Variants in MTUS2 observed in about 807,000 individuals in gnomAD.
MTUS2 encodes microtubule associated scaffold protein 2.
Under a neutral mutation model 114.1 loss-of-function variants are expected in MTUS2, and 40 were observed. That is an observed-to-expected ratio of 0.35 (90% CI 0.27 to 0.46). The LOEUF (loss-of-function observed/expected upper bound fraction) is 0.46. MTUS2 is among the 20% of genes least tolerant of loss of function. The pLI is 1.00. For synonymous variants in MTUS2, 688 were observed against 672.0 expected (o/e 1.02, Z -0.37); for missense variants, 1,679 against 1,705.4 (o/e 0.98, Z 0.27).
intron 2 of MTUS2, among the ~76,000 whole-genome samples, chr13:28,919,665 CT>C (rs1433679038): frequency 2.0e-5 from 3 of 152,124 alleles, no homozygotes; most frequent in Non-Finnish European, 4.4e-5. Flanking sequence ...CTTTCTACCC[CT>C]ATCTCTGTCT....
intron 2 of MTUS2, among the ~76,000 whole-genome samples, chr13:28,937,131 G>A (rs1881943408): frequency 6.6e-6 from 1 of 152,070 alleles, no homozygotes; most frequent in Non-Finnish European, 1.5e-5. Flanking sequence ...TGGACTTCCT[G>A]GGTCGAGTGG....
intron 5 of MTUS2, among the ~76,000 whole-genome samples, chr13:29,188,675 T>A (rs1253344861): frequency 1.3e-5 from 2 of 152,194 alleles, no homozygotes; most frequent in Non-Finnish European, 2.9e-5. Context: ...AGAGACTCCC[T>A]GCTCTGCTGG....
chr13:28,893,905 C>T (rs1346239511), intron 2 of MTUS2, among the ~76,000 whole-genome samples: 1 of 152,102 alleles, frequency 6.6e-6, no homozygotes, highest in African/African-American at 2.4e-5. Flanking sequence ...ACCAGATCGA[C>T]ATTGTTTTGG....
intron 6 of MTUS2, among the ~76,000 whole-genome samples, chr13:29,309,240 C>T (rs1303789895): frequency 6.6e-6 from 1 of 152,098 alleles, no homozygotes; most frequent in East Asian, 1.9e-4. Flanking sequence ...CTATGGGATA[C>T]TATGCAGCCA....
intron 8 of MTUS2, among the ~76,000 whole-genome samples, chr13:29,406,619 GAC>G (rs967398158): frequency 2.0e-4 from 31 of 152,178 alleles, no homozygotes; most frequent in African/African-American, 7.0e-4. Context: ...TACTACTGGT[GAC>G]ACAGACCAAA....
chr13:29,178,263 C>G (rs1032220647), intron 5 of MTUS2, among the ~76,000 whole-genome samples: 2 of 152,038 alleles, frequency 1.3e-5, no homozygotes, highest in African/African-American at 2.4e-5. Context: ...TCAAATTTGT[C>G]GAATTTTGTT....
intron 4 of MTUS2, among the ~76,000 whole-genome samples, chr13:29,096,982 T>G (rs1890204447): frequency 6.6e-6 from 1 of 152,168 alleles, no homozygotes; most frequent in African/African-American, 2.4e-5. Flanking sequence ...GAAGGTTCCC[T>G]GACCTTTTGA....
chr13:29,375,557 ACG>A (rs373176316), intron 8 of MTUS2, among the ~76,000 whole-genome samples: 297 of 4,614 alleles, frequency 0.064, 39 homozygotes, highest in African/African-American at 0.12. Context: ...ATATATATAT[ACG>A]TATATATATA....
At chr13:29,119,216 A>G (rs572483404) in intron 5 of MTUS2, among the ~76,000 whole-genome samples, 55 of 152,354 alleles carry the variant, frequency 3.6e-4, no homozygotes, top group African/African-American at 1.2e-3. Flanking sequence ...CCTGAATCTC[A>G]GTACATAGAT....
rs556716318 is a variant in MTUS2, at chr13:29,047,338, C to T, written c.2446+13213C>T. On this transcript the variant is annotated intron_variant, in intron 4 of 15. Transcript: ENST00000612955. ...CTCAGTCTTCTGTAGCTCCAGCCTT[C>T]GTGATAGCAGAGACCATATTTTAAA... Among the ~76,000 whole-genome samples, 6 of 152,184 alleles carry T rather than the reference C, an allele frequency of 3.9e-5. No individual in the cohort carries two copies. The South Asian group carries it at 6.2e-4, about 16-fold the overall frequency.
chr13:29,174,308 A>C (rs1431301180), intron 5 of MTUS2, among the ~76,000 whole-genome samples: 1 of 152,172 alleles, frequency 6.6e-6, no homozygotes, highest in African/African-American at 2.4e-5. Context: ...TGACCACAAA[A>C]GAAGGAGGGT....
chr13:29,215,157 A>G (rs897856912), intron 5 of MTUS2, among the ~76,000 whole-genome samples: 1 of 151,062 alleles, frequency 6.6e-6, no homozygotes, highest in Non-Finnish European at 1.5e-5. Context: ...GGATTTGGCT[A>G]TTGATACTTG....
chr13:29,364,420 G>A (rs747001679), intron 8 of MTUS2, among the ~76,000 whole-genome samples: 3 of 152,132 alleles, frequency 2.0e-5, no homozygotes, highest in Non-Finnish European at 4.4e-5. Context: ...TCTGAATAGA[G>A]ATTTAGGCCC....
At chr13:28,960,704 AG>A (rs1315739864) in intron 2 of MTUS2, among the ~76,000 whole-genome samples, 1 of 152,170 alleles carries the variant, frequency 6.6e-6, no homozygotes, top group African/African-American at 2.4e-5. Flanking sequence ...CTGGGGAGAA[AG>A]GGAGATGAGG....
chr13:29,178,278 T>C (rs1361280876), intron 5 of MTUS2, among the ~76,000 whole-genome samples: 1 of 152,224 alleles, frequency 6.6e-6, no homozygotes, highest in Non-Finnish European at 1.5e-5. Context: ...TTTGTTACTT[T>C]GTCAATTTTT....
At position 29,492,642 on chromosome 13, in the gene MTUS2, C is replaced by G. The variant is rs746495068; in HGVS notation, c.3506-4C>G. 6.2e-7 allele frequency: 1 copy of G among 1,611,186 alleles called. No individual in the cohort carries two copies. Among genetic ancestry groups the G allele is most frequent in the Non-Finnish European group, 8.5e-7 (1 of 1,177,958 alleles). On this transcript the variant is annotated splice_polypyrimidine_tract_variant and splice_region_variant and intron_variant, in intron 11 of 15. Coordinates refer to ENST00000612955, the MANE Select transcript of MTUS2 (RefSeq NM_001033602.4). ...AACTTGACAATTTAATGTCTTCTTT[C>G]CAGAATTGATGTCCACTCATGAGCT... is the stretch of plus-strand genomic sequence containing the variant.
chr13:28,949,426 A>G (rs750490459), intron 2 of MTUS2, among the ~76,000 whole-genome samples: 6 of 152,228 alleles, frequency 3.9e-5, no homozygotes, highest in African/African-American at 9.6e-5. Flanking sequence ...TTTTAATTAC[A>G]ATATCCAATT....
intron 7 of MTUS2, among the ~76,000 whole-genome samples, chr13:29,325,466 AAAAAG>A (rs530500725): frequency 1.2e-4 from 15 of 126,408 alleles, no homozygotes; most frequent in African/African-American, 4.3e-4. Context: ...AAAAAAAAAA[AAAAAG>A]AAAAGAAGAA....
At chr13:29,371,332 C>T (rs1214990885) in intron 8 of MTUS2, among the ~76,000 whole-genome samples, 3 of 151,450 alleles carry the variant, frequency 2.0e-5, no homozygotes, top group Non-Finnish European at 4.4e-5. Context: ...ATTCTTCTGC[C>T]TGAGCCTCCT....
Sources: allele counts gnomAD v4.1 joint callset (sites outside exome capture counted in the v4.1 genomes callset), GRCh38; gene constraint gnomAD v4.1.1; transcripts MANE v1.5; gene names NCBI Gene and HGNC (gene_info 2026-07-23, HGNC 2026-07-21).